Variants in MYO3B observed in about 807,000 individuals in gnomAD.
The protein encoded by MYO3B is myosin-IIIb.
A neutral mutation model predicts 174.6 loss-of-function variants in MYO3B; 156 were observed. That is an observed-to-expected ratio of 0.89 (90% CI 0.78 to 1.02). MYO3B has a LOEUF of 1.02. Ranked by LOEUF, MYO3B falls within the 50% of genes least tolerant of loss-of-function variation. The probability of loss-of-function intolerance (pLI) is 0.00; values close to 1 mark genes in which losing one functional copy is unlikely to be tolerated. For missense variants in MYO3B, 1,632 were observed against 1,639.4 expected (o/e 1.00, Z 0.08); for synonymous variants, 563 against 569.1 (o/e 0.99, Z 0.15).
chr2:170,616,258 T>C (rs1695458438), intron 32 of MYO3B, among the ~76,000 whole-genome samples: 1 of 152,178 alleles, frequency 6.6e-6, no homozygotes, highest in Non-Finnish European at 1.5e-5. Context: ...ATCTTATCCA[T>C]ACGGACAGCC....
chr2:170,501,813 A>G lies in MYO3B; in HGVS notation c.3318A>G (p.Lys1106=). The part of the protein sequence containing the change: ...SAWRGYDARR[K]FKKISNRRNE... The stretch of plus-strand genomic sequence containing the variant: ...GGAGAGGATATGATGCTCGGAGGAA[A>G]TTTAAGAAAATAAGCAACAGAAGGA... Residue 1106 remains lysine, a synonymous_variant, in exon 28 of 35, where the codon AAA becomes AAG. Transcript: ENST00000408978. 6.2e-7 allele frequency: 1 copy of G among 1,613,076 alleles called. No individual in the cohort carries two copies. Among genetic ancestry groups the G allele is most frequent in the Non-Finnish European group, 8.5e-7 (1 of 1,179,100 alleles).
chr2:170,309,725 T>A (rs1416709118), intron 7 of MYO3B, among the ~76,000 whole-genome samples: 1 of 152,214 alleles, frequency 6.6e-6, no homozygotes, highest in Non-Finnish European at 1.5e-5. Context: ...ACATCTTTTT[T>A]TTTTAATTTG....
chr2:170,268,037 G>A (rs1471106546), intron 7 of MYO3B, among the ~76,000 whole-genome samples: 2 of 151,952 alleles, frequency 1.3e-5, no homozygotes, highest in Non-Finnish European at 2.9e-5. Context: ...GTGAAACCCC[G>A]TCTCTACTAA....
intron 22 of MYO3B, among the ~76,000 whole-genome samples, chr2:170,413,020 A>C (rs2094555808): frequency 6.6e-6 from 1 of 152,222 alleles, no homozygotes; most frequent in South Asian, 2.1e-4. Context: ...TAACACAACA[A>C]AGTCCCAGCT....
At chr2:170,269,197 T>A (rs1382770455) in intron 7 of MYO3B, among the ~76,000 whole-genome samples, 1 of 152,176 alleles carries the variant, frequency 6.6e-6, no homozygotes, top group Non-Finnish European at 1.5e-5. Flanking sequence ...CATATGACAA[T>A]GCCCCCAAAC....
intron 7 of MYO3B, among the ~76,000 whole-genome samples, chr2:170,318,608 T>C (rs1330365299): frequency 6.6e-6 from 1 of 152,160 alleles, no homozygotes; most frequent in Non-Finnish European, 1.5e-5. Context: ...TTGGCCAAAC[T>C]TGGGGTCAAA....
chr2:170,451,656 CA>C (rs1262804861), intron 23 of MYO3B, among the ~76,000 whole-genome samples: 7 of 152,192 alleles, frequency 4.6e-5, no homozygotes, highest in African/African-American at 1.7e-4. Flanking sequence ...CCCAATTGTT[CA>C]GAGCACTTTC....
chr2:170,256,296 G>T (rs1347214038), intron 7 of MYO3B, among the ~76,000 whole-genome samples: 1 of 152,128 alleles, frequency 6.6e-6, no homozygotes, highest in African/African-American at 2.4e-5. Flanking sequence ...ACCCCTGTGA[G>T]ATACTATATA....
At chr2:170,629,578 G>A (rs997744738) in intron 32 of MYO3B, among the ~76,000 whole-genome samples, 10 of 152,128 alleles carry the variant, frequency 6.6e-5, no homozygotes, top group East Asian at 5.8e-4. Context: ...GGCTGGGTGC[G>A]GTGGCTCACA....
At chr2:170,404,913 T>C (rs2094500984) in intron 20 of MYO3B, among the ~76,000 whole-genome samples, 1 of 152,232 alleles carries the variant, frequency 6.6e-6, no homozygotes, top group Non-Finnish European at 1.5e-5. Context: ...CACCTCGTCC[T>C]GACATCAAAG....
intron 32 of MYO3B, among the ~76,000 whole-genome samples, chr2:170,626,065 TATGTCTGCTTGGAGCAGAGCTAA>T (rs1304483731): frequency 2.0e-5 from 3 of 152,230 alleles, no homozygotes; most frequent in African/African-American, 7.2e-5. Flanking sequence ...AGATGTCTAT[TATGTCTGCTTGGAGCAGAGCTAA>T]ATTCATTTCC....
chr2:170,291,092 T>A lies in MYO3B; in HGVS notation c.750-44293T>A, dbSNP rs532000044. Among the ~76,000 whole-genome samples the A allele has an allele frequency of 5.3e-5, 8 of 151,906 alleles. No individual in the cohort carries two copies. The South Asian group carries it at 1.7e-3, about 32-fold the overall frequency. On this transcript the variant is annotated intron_variant, in intron 7 of 34. Coordinates refer to ENST00000408978, the MANE Select transcript of MYO3B (RefSeq NM_138995.5). ...GGTGAAACCCCGTCTCTACTAAAAATACAAAAATTAGCCAGGCATGGTGAT... is the reference window on the plus strand; with the variant it reads ...GGTGAAACCCCGTCTCTACTAAAAAAACAAAAATTAGCCAGGCATGGTGAT...
intron 32 of MYO3B, among the ~76,000 whole-genome samples, chr2:170,590,963 A>G (rs1693786787): frequency 6.6e-6 from 1 of 152,198 alleles, no homozygotes; most frequent in South Asian, 2.1e-4. Context: ...CTATGTCTCA[A>G]TATTCAGAGG....
chr2:170,181,368 A>G (rs2092396220), intron 1 of MYO3B, among the ~76,000 whole-genome samples: 1 of 152,106 alleles, frequency 6.6e-6, no homozygotes, highest in Admixed American at 6.5e-5. Flanking sequence ...TAAATAGATA[A>G]TCATGTAATC....
intron 22 of MYO3B, among the ~76,000 whole-genome samples, chr2:170,439,805 C>T (rs1034513939): frequency 9.9e-5 from 15 of 152,126 alleles, no homozygotes; most frequent in African/African-American, 1.7e-4. Context: ...CTCAGCCTCC[C>T]GAGTAGCTGA....
At chr2:170,622,786 T>C (rs1415899763) in intron 32 of MYO3B, among the ~76,000 whole-genome samples, 3 of 145,568 alleles carry the variant, frequency 2.1e-5, no homozygotes, top group East Asian at 2.1e-4. Context: ...GGTGTTCTCA[T>C]TGTTCAATTC....
intron 22 of MYO3B, among the ~76,000 whole-genome samples, chr2:170,435,293 G>A (rs1167660235): frequency 6.6e-6 from 1 of 152,182 alleles, no homozygotes; most frequent in Admixed American, 6.5e-5. Context: ...AAGGATCATA[G>A]TGCAGCAGTC....
intron 7 of MYO3B, among the ~76,000 whole-genome samples, chr2:170,318,251 C>T (rs1186706321): frequency 2.6e-5 from 4 of 152,196 alleles, no homozygotes; most frequent in African/African-American, 9.7e-5. Flanking sequence ...CTTAGACTTT[C>T]CTTAGATTGA....
intron 1 of MYO3B, among the ~76,000 whole-genome samples, chr2:170,190,447 T>TC: frequency 6.6e-6 from 1 of 152,152 alleles, no homozygotes; most frequent in African/African-American, 2.4e-5. Flanking sequence ...GGCAGCAAGA[T>TC]CCCCCTGGTC....
Sources: allele counts gnomAD v4.1 joint callset (sites outside exome capture counted in the v4.1 genomes callset), GRCh38; gene constraint gnomAD v4.1.1; transcripts MANE v1.5; gene names NCBI Gene and HGNC (gene_info 2026-07-23, HGNC 2026-07-21).